The following GPAT4 variants were observed in gnomAD, a reference collection of about 807,000 sequenced individuals.
GPAT4 encodes 1-AGP acyltransferase 6.
In GPAT4, 17 loss-of-function variants were observed where a neutral mutation model predicts 58.0. The ratio of observed to expected loss-of-function variants is 0.29; its 90% CI spans 0.20 to 0.44. GPAT4 has a LOEUF of 0.44. GPAT4 is among the 20% of genes least tolerant of loss of function. The pLI is 1.00. For missense variants in GPAT4, 377 were observed against 574.5 expected (o/e 0.66, Z 3.51); for synonymous variants, 204 against 210.1 (o/e 0.97, Z 0.25).
chr8:41,599,052 C>T lies in GPAT4; in HGVS notation c.-88C>T. 6.6e-7 allele frequency: 1 copy of T among 1,504,086 alleles called. No homozygotes were observed. Among genetic ancestry groups the T allele is most frequent in the Non-Finnish European group, 8.9e-7 (1 of 1,123,880 alleles). 93.2% of individuals were successfully genotyped at this position (1,504,086 alleles called of 1,614,324 possible). On this transcript the variant is annotated 5_prime_UTR_variant, in exon 2 of 13. Coordinates refer to ENST00000396987, the MANE Select transcript of GPAT4 (RefSeq NM_178819.4). ...TGTTCTTCGGGAACTTGCTTCCTTT[C>T]CCTGGCTGGTGCTGTCAGGAAGGAC...
intron 1 of GPAT4, chr8:41,578,714 T>TA (rs1193158639): frequency 7.9e-5 from 12 of 152,310 alleles, no homozygotes; most frequent in Non-Finnish European, 1.5e-4. Flanking sequence ...ATGCATGTCT[T>TA]TACCCTCTCC....
chr8:41,611,331 C>T (rs1309577436), intron 5 of GPAT4, among the ~76,000 whole-genome samples: 1 of 152,222 alleles, frequency 6.6e-6, no homozygotes, highest in Non-Finnish European at 1.5e-5. Context: ...CCCTCACATT[C>T]TTCCCATTTT....
intron 2 of GPAT4, among the ~76,000 whole-genome samples, chr8:41,600,334 A>C (rs1423255934): frequency 1.3e-5 from 2 of 151,922 alleles, no homozygotes; most frequent in Non-Finnish European, 2.9e-5. Context: ...GAGCCACCGT[A>C]CCTGGCCCAT....
At chr8:41,591,611 G>A (rs1463802411) in intron 1 of GPAT4, among the ~76,000 whole-genome samples, 1 of 152,204 alleles carries the variant, frequency 6.6e-6, no homozygotes, top group African/African-American at 2.4e-5. Flanking sequence ...AGTACAGGTA[G>A]CAAACAAGGG....
intron 1 of GPAT4, among the ~76,000 whole-genome samples, chr8:41,595,743 T>G (rs891401387): frequency 1.3e-5 from 2 of 152,196 alleles, no homozygotes; most frequent in African/African-American, 4.8e-5. Context: ...CTTTTGCCTC[T>G]GCCTCTTCCT....
At position 41,623,989 on chromosome 8, in the gene GPAT4, C is replaced by G. The variant is rs1304100532; in HGVS notation, c.*2988C>G. On this transcript the variant is annotated 3_prime_UTR_variant, in exon 13 of 13. Coordinates refer to ENST00000396987, the MANE Select transcript of GPAT4 (RefSeq NM_178819.4). ...AGTAGCTGAGATTACAGGCATGCACCACCACACCCAGCTAATTTTTTGTAT... is the reference window on the plus strand; with the variant it reads ...AGTAGCTGAGATTACAGGCATGCACGACCACACCCAGCTAATTTTTTGTAT... 6.6e-6 allele frequency: 1 copy of G among 152,222 alleles called. No homozygotes were observed. The highest frequency in any genetic ancestry group is 1.5e-5 in the Non-Finnish European group (1 of 68,068). 9.4% of individuals were successfully genotyped at this position (152,222 alleles called of 1,614,324 possible).
At chr8:41,600,115 T>C (rs1803047021) in intron 2 of GPAT4, among the ~76,000 whole-genome samples, 1 of 140,688 alleles carries the variant, frequency 7.1e-6, no homozygotes, top group Non-Finnish European at 1.5e-5. Flanking sequence ...CACGGCTCAC[T>C]GCAACCCCTG....
chr8:41,600,703 C>T (rs1250873217), intron 2 of GPAT4, among the ~76,000 whole-genome samples: 1 of 151,950 alleles, frequency 6.6e-6, no homozygotes, highest in Non-Finnish European at 1.5e-5. Flanking sequence ...CTGTCCAATT[C>T]ACAACATTTT....
chr8:41,613,423 A>G (rs1476040084), intron 8 of GPAT4, among the ~76,000 whole-genome samples: 1 of 152,094 alleles, frequency 6.6e-6, no homozygotes, highest in African/African-American at 2.4e-5. Context: ...TTATTTACCA[A>G]GTTAATAATG....
At position 41,610,829 on chromosome 8, in the gene GPAT4, T is replaced by G; in HGVS notation, c.611+19T>G. 2 of 1,589,442 alleles carry G rather than the reference T, an allele frequency of 1.3e-6. No individual in the cohort carries two copies. Among genetic ancestry groups the G allele is most frequent in the Non-Finnish European group, 8.6e-7 (1 of 1,168,248 alleles). On this transcript the variant is annotated intron_variant, in intron 5 of 12. Coordinates refer to ENST00000396987, the MANE Select transcript of GPAT4 (RefSeq NM_178819.4). ...ATGGGAGGTGAGTAGAGTGTGGCAG[T>G]CCATGCCTGAAGGACAGTTAGTTCT...
rs775210430 is a variant in GPAT4 at position 41,618,775 on chromosome 8, T to C, written c.1145T>C (p.Val382Ala). 2.5e-6 allele frequency: 4 copies of C among 1,614,274 alleles called. No homozygotes were observed. The highest frequency in any genetic ancestry group is 1.1e-5 in the South Asian group (1 of 91,084). The stretch of plus-strand genomic sequence containing the variant: ...CGAATGATGACCAGCTGGGCCATTG[T>C]CTGCAGCGTGTGGTACCTGCCTCCC... ...LLRMMTSWAI[V>A]CSVWYLPPMT... The change falls in exon 11 of 13, where the codon GTC becomes GCC. Residue 382 changes from valine to alanine, a missense_variant. Physicochemically the swap from Val to Ala is moderately conservative, Grantham distance 64 (BLOSUM62 0). Coordinates refer to ENST00000396987, the MANE Select transcript of GPAT4 (RefSeq NM_178819.4).
intron 1 of GPAT4, among the ~76,000 whole-genome samples, chr8:41,581,955 A>C (rs1041509229): frequency 7.4e-5 from 11 of 147,664 alleles, no homozygotes; most frequent in African/African-American, 2.8e-4. Flanking sequence ...TTAAAAAAAA[A>C]AAATGATCAG....
intron 2 of GPAT4, among the ~76,000 whole-genome samples, chr8:41,603,419 G>A (rs919047028): frequency 2.6e-5 from 4 of 151,682 alleles, no homozygotes; most frequent in African/African-American, 7.3e-5. Context: ...CCAGCTACTC[G>A]GGAGGCTGAA....
chr8:41,620,956 C>T lies in GPAT4; in HGVS notation c.1326C>T (p.Tyr442=), dbSNP rs911077617. 5.2e-6 allele frequency: 8 copies of T among 1,551,648 alleles called. No individual in the cohort carries two copies. The highest frequency in any genetic ancestry group is 2.0e-5 in the Admixed American group (1 of 51,038). The change falls in exon 13 of 13, where the codon TAC becomes TAT. Residue 442 remains tyrosine (Y), a synonymous_variant. Transcript: ENST00000396987. ...TCAAGGAGGAGCAGCAGAAGCTGTA[C>T]AGCAAGATGATCGTGGGGAACCACA... The part of the protein sequence containing the change: ...DTFKEEQQKL[Y]SKMIVGNHKD...
chr8:41,624,166 G>A lies in GPAT4; in HGVS notation c.*3165G>A. 6.6e-6 allele frequency: 1 copy of A among 152,244 alleles called. No individual in the cohort carries two copies. Among genetic ancestry groups the A allele is most frequent in the East Asian group, 1.9e-4 (1 of 5,196 alleles). The allele number at this position is 152,244 out of a possible 1,614,324, so 9.4% of individuals were successfully genotyped here. On this transcript the variant is annotated 3_prime_UTR_variant, in exon 13 of 13. Transcript: ENST00000396987. Reference sequence around the variant, plus strand: ...GGGAACTTTTTAATAAAGCTAGTGGGATTCCCTTGACAGCAGAACCAGCCT... The same window carrying A: ...GGGAACTTTTTAATAAAGCTAGTGGAATTCCCTTGACAGCAGAACCAGCCT...
intron 8 of GPAT4, among the ~76,000 whole-genome samples, chr8:41,613,593 GAA>G (rs1563278760): frequency 6.6e-6 from 1 of 152,126 alleles, no homozygotes; most frequent in African/African-American, 2.4e-5. Context: ...TTAAGAAGGT[GAA>G]TCTGCTGTAA....
At chr8:41,585,229 A>C (rs977728489) in intron 1 of GPAT4, among the ~76,000 whole-genome samples, 1 of 152,158 alleles carries the variant, frequency 6.6e-6, no homozygotes, top group Non-Finnish European at 1.5e-5. Flanking sequence ...TGGTGGGCCT[A>C]TGTATGTTCT....
At chr8:41,620,164 G>A (rs1803706219) in intron 12 of GPAT4, among the ~76,000 whole-genome samples, 1 of 152,230 alleles carries the variant, frequency 6.6e-6, no homozygotes, top group Non-Finnish European at 1.5e-5. Context: ...AAAGGGTGTA[G>A]CGGAGAGACT....
At chr8:41,595,705 C>G (rs1279158761) in intron 1 of GPAT4, among the ~76,000 whole-genome samples, 3 of 152,084 alleles carry the variant, frequency 2.0e-5, no homozygotes, top group Non-Finnish European at 4.4e-5. Context: ...TTCTTTCTCT[C>G]TTTAACTTTC....
Sources: gnomAD v4.1 joint callset for allele counts (sites outside exome capture counted in the v4.1 genomes callset) on GRCh38, gnomAD v4.1.1 for gene constraint, MANE v1.5 for transcripts, NCBI Gene and HGNC (gene_info 2026-07-23, HGNC 2026-07-21) for gene names.